The following RET variants were observed in gnomAD, a reference collection of about 807,000 sequenced individuals.
RET encodes proto-oncogene tyrosine-protein kinase receptor Ret.
RET carries 19 observed loss-of-function variants against 118.3 expected under a neutral mutation model. That is an observed-to-expected ratio of 0.16 (90% CI 0.11 to 0.24). The LOEUF is 0.24. Among genes scored for constraint, RET ranks in the 10% least tolerant of loss-of-function variants. RET has a pLI of 1.00. For missense variants in RET, 1,219 were observed against 1,502.1 expected (o/e 0.81, Z 3.12); for synonymous variants, 597 against 644.1 (o/e 0.93, Z 1.11).
chr10:43,078,110 C>T (rs2506010), intron 1 of RET, among the ~76,000 whole-genome samples: 52,825 of 152,140 alleles, frequency 0.35, 9,597 homozygotes, highest in South Asian at 0.41. Flanking sequence ...CTTAGGATCC[C>T]AGCATTAGGT....
chr10:43,113,537 G>A lies in RET; in HGVS notation c.1760-19G>A, dbSNP rs373710654. On this transcript the variant is annotated intron_variant, in intron 9 of 19. Coordinates refer to ENST00000355710, the MANE Select transcript of RET (RefSeq NM_020975.6). Reference sequence around the variant, plus strand: ...GGTCAGGCGCCCCAGGAGGCTGAGTGGGCTACGTCTGCCCTCAGGGGGCAG... The same window carrying A: ...GGTCAGGCGCCCCAGGAGGCTGAGTAGGCTACGTCTGCCCTCAGGGGGCAG... The A allele has an allele frequency of 5.6e-6, 9 of 1,597,222 alleles. No homozygotes were observed. The highest frequency in any genetic ancestry group is 2.0e-4 in the Middle Eastern group (1 of 4,888).
chr10:43,111,928 C>T (rs547582767), intron 7 of RET, among the ~76,000 whole-genome samples, 171 bp from the exon 8 acceptor site: 40 of 152,374 alleles, frequency 2.6e-4, no homozygotes, highest in African/African-American at 8.9e-4. Flanking sequence ...CTGTACCCTG[C>T]CCTGCGCCCT....
chr10:43,077,199 A>T lies in RET; in HGVS notation c.-60A>T. On this transcript the variant is annotated 5_prime_UTR_variant, in exon 1 of 20. Coordinates refer to ENST00000355710, the MANE Select transcript of RET (RefSeq NM_020975.6). ...GGCCAGACTGAGCGCCGCACCCGCC[A>T]TCCAGACCCGCCGGCCCTAGCCGCA... The T allele has an allele frequency of 6.9e-7, 1 of 1,443,068 alleles. No individual in the cohort carries two copies. Among genetic ancestry groups the T allele is most frequent in the Non-Finnish European group, 9.1e-7 (1 of 1,097,610 alleles). 89.4% of individuals were successfully genotyped at this position (1,443,068 alleles called of 1,614,324 possible). A position where few individuals can be genotyped will look rare whatever the true frequency, so the allele number is the denominator to read the frequency against.
intron 1 of RET, among the ~76,000 whole-genome samples, chr10:43,087,695 G>A (rs1240548408): frequency 6.6e-6 from 1 of 152,168 alleles, no homozygotes; most frequent in Non-Finnish European, 1.5e-5. Flanking sequence ...CTTCACACCT[G>A]CTCTTTATGC....
chr10:43,086,978 C>T (rs1837302903), intron 1 of RET, among the ~76,000 whole-genome samples: 1 of 152,256 alleles, frequency 6.6e-6, no homozygotes, highest in African/African-American at 2.4e-5. Context: ...TGGACCCCTT[C>T]CCCACTCACG....
chr10:43,108,079 T>C (rs1837825411), intron 5 of RET, among the ~76,000 whole-genome samples: 1 of 151,914 alleles, frequency 6.6e-6, no homozygotes, highest in African/African-American at 2.4e-5. Flanking sequence ...GCATAGTGGC[T>C]CACGCCTGTA....
intron 1 of RET, among the ~76,000 whole-genome samples, chr10:43,086,950 C>G (rs939080123): frequency 6.6e-6 from 1 of 152,248 alleles, no homozygotes; most frequent in Non-Finnish European, 1.5e-5. Context: ...CCTCCTTCTC[C>G]CAAACCTCAG....
rs1837059138 is a variant in RET at position 43,077,124 on chromosome 10, C to T, written c.-135C>T. 1.6e-6 allele frequency: 2 copies of T among 1,228,392 alleles called. No homozygotes were observed. The highest frequency in any genetic ancestry group is 2.1e-6 in the Non-Finnish European group (2 of 964,316). 76.1% of individuals were successfully genotyped at this position (1,228,392 alleles called of 1,614,324 possible). On this transcript the variant is annotated 5_prime_UTR_variant, in exon 1 of 20. Coordinates refer to ENST00000355710, the MANE Select transcript of RET (RefSeq NM_020975.6). ...GCGCTGAGTGCCCCGGAACGTGCGT[C>T]GCGCCCCCAGTGTCCGTCGCGTCCG...
rs758159521 is a variant in RET, at chr10:43,106,392, C to G, written c.884C>G (p.Thr295Arg). ...ATCCTGCAGGACACCGTGGTGGCCA[C>G]GCTGCGTGTCTTCGATGCAGACGTG... ...FKRKEDTVVA[T>R]LRVFDADVVP... Residue 295 changes from threonine (T) to arginine (R), a missense_variant, in exon 5 of 20, where the codon ACG (threonine) becomes AGG (arginine). Coordinates refer to ENST00000355710, the MANE Select transcript of RET (RefSeq NM_020975.6). This position sits in a 1 kb window ranked among gnomAD's most constrained non-coding sequence, Gnocchi z 5.1. 2 of 1,611,632 alleles carry G rather than the reference C, an allele frequency of 1.2e-6. No individual in the cohort carries two copies. The highest frequency in any genetic ancestry group is 8.5e-7 in the Non-Finnish European group (1 of 1,179,918).
intron 1 of RET, among the ~76,000 whole-genome samples, chr10:43,085,972 T>G (rs1486880780): frequency 1.3e-5 from 2 of 152,190 alleles, no homozygotes; most frequent in Non-Finnish European, 2.9e-5. Context: ...CCCTCTGCTC[T>G]CCACTGCTCT....
intron 15 of RET, among the ~76,000 whole-genome samples, chr10:43,121,142 T>G (rs1393349579): frequency 6.6e-6 from 1 of 152,162 alleles, no homozygotes; most frequent in African/African-American, 2.4e-5. Flanking sequence ...GACAGAGCCT[T>G]CCTGTTGATG....
In RET at chr10:43,128,687, A is replaced by C. The variant is rs776208853; in HGVS notation, c.*418A>C. 1.8e-5 allele frequency: 7 copies of C among 392,298 alleles called. No homozygotes were observed. Among genetic ancestry groups the C allele is most frequent in the Non-Finnish European group, 3.3e-5 (7 of 209,618 alleles). 24.3% of individuals were successfully genotyped at this position (392,298 alleles called of 1,614,324 possible). A position where few individuals can be genotyped will look rare whatever the true frequency, so the allele number is the denominator to read the frequency against. ...ACAAGGCAAAAAAATTTAAACATGA[A>C]GCACACACACAAAAAAGGCAGTAGG... On this transcript the variant is annotated 3_prime_UTR_variant, in exon 20 of 20. Coordinates refer to ENST00000355710, the MANE Select transcript of RET (RefSeq NM_020975.6).
At chr10:43,079,315 CCT>C (rs1461840709) in intron 1 of RET, among the ~76,000 whole-genome samples, 1 of 152,176 alleles carries the variant, frequency 6.6e-6, no homozygotes, top group African/African-American at 2.4e-5. Flanking sequence ...GACCCCAGCC[CCT>C]CTCATCACTC....
At chr10:43,083,266 G>C (rs1837223085) in intron 1 of RET, among the ~76,000 whole-genome samples, 1 of 152,210 alleles carries the variant, frequency 6.6e-6, no homozygotes, top group African/African-American at 2.4e-5. Context: ...ACAGCACCTT[G>C]AAAACTCGTG....
chr10:43,106,540 C>G lies in RET; in HGVS notation c.1032C>G (p.Gly344=). 1 of 1,613,744 alleles carries G rather than the reference C, an allele frequency of 6.2e-7. No homozygotes were observed. Among genetic ancestry groups the G allele is most frequent in the Non-Finnish European group, 8.5e-7 (1 of 1,179,784 alleles). Residue 344 remains glycine (G), a synonymous_variant, in exon 5 of 20, where the codon GGC becomes GGG. Transcript: ENST00000355710. This position sits in a 1 kb window ranked among gnomAD's most constrained non-coding sequence, Gnocchi z 5.1. ...ACGAGACCTCGGTCCAGGCCAACGG[C>G]AGCTTCGTGCGGGCGACCGTACATG... ...WPNETSVQAN[G]SFVRATVHDY...
intron 19 of RET, 136 bp from the exon 20 acceptor site, chr10:43,127,976 C>A (rs1244202219): frequency 1.1e-6 from 1 of 895,444 alleles, no homozygotes; most frequent in Non-Finnish European, 1.9e-6. Context: ...ACCTGGAACA[C>A]AAAACCATTA....
At chr10:43,092,572 T>C (rs116731795) in intron 1 of RET, among the ~76,000 whole-genome samples, 7,050 of 152,314 alleles carry the variant, frequency 0.046, 383 homozygotes, top group African/African-American at 0.13. Context: ...CCGTGTTTTT[T>C]CCCTAAATGC....
Position 43,123,704 on chromosome 10 carries a change from G to C in RET, c.2835G>C (p.Val945=). ...TTGGTGTCCTGCTGTGGGAGATCGTGACCCTAGGGGGAAACCCCTATCCTG... is the reference window on the plus strand; with the variant it reads ...TTGGTGTCCTGCTGTGGGAGATCGTCACCCTAGGGGGAAACCCCTATCCTG... ...WSFGVLLWEI[V]TLGGNPYPGI... The change falls in exon 17 of 20, where the codon GTG becomes GTC. Residue 945 remains valine (V), a synonymous_variant. Transcript: ENST00000355710. The C allele has an allele frequency of 6.2e-7, 1 of 1,614,160 alleles. No individual in the cohort carries two copies. The highest frequency in any genetic ancestry group is 8.5e-7 in the Non-Finnish European group (1 of 1,180,034).
intron 1 of RET, among the ~76,000 whole-genome samples, chr10:43,088,608 G>A (rs1315755177): frequency 6.6e-6 from 1 of 152,034 alleles, no homozygotes; most frequent in African/African-American, 2.4e-5. Context: ...AACTTCATGT[G>A]CATTAATTCC....
Sources: gnomAD v4.1 joint callset for allele counts (sites outside exome capture counted in the v4.1 genomes callset) on GRCh38, gnomAD v4.1.1 for gene constraint, Gnocchi (gnomAD v3.1) non-coding constraint, MANE v1.5 for transcripts, NCBI Gene and HGNC (gene_info 2026-07-23, HGNC 2026-07-21) for gene names.